Variants in FAM13B observed in about 807,000 individuals in gnomAD.
FAM13B encodes the protein protein FAM13B.
Under a neutral mutation model 117.3 loss-of-function variants are expected in FAM13B, and 60 were observed. That is an observed-to-expected ratio of 0.51 (90% CI 0.42 to 0.63). The LOEUF (loss-of-function observed/expected upper bound fraction) is 0.63, where lower values mean the gene tolerates loss of function less well. Among genes scored for constraint, FAM13B ranks in the 30% least tolerant of loss-of-function variants. The pLI, the probability that FAM13B is intolerant of heterozygous loss-of-function variation, is 0.00. For synonymous variants in FAM13B, 332 were observed against 356.1 expected, an observed-to-expected ratio of 0.93 and a Z score of 0.76; for missense variants, 972 against 1,091.9, an observed-to-expected ratio of 0.89 and a Z score of 1.55.
intron 4 of FAM13B, among the ~76,000 whole-genome samples, chr5:138,014,884 CCTTTG>C (rs1482815742): frequency 6.6e-6 from 1 of 152,168 alleles, no homozygotes; most frequent in Non-Finnish European, 1.5e-5. Flanking sequence ...AAATTTCTTT[CCTTTG>C]GAGTCTAATT....
At chr5:137,971,260 T>C (rs1189666676) in intron 10 of FAM13B, among the ~76,000 whole-genome samples, 1 of 150,978 alleles carries the variant, frequency 6.6e-6, no homozygotes, top group East Asian at 1.9e-4. Context: ...TAACAAACTA[T>C]CTCTCAGACC....
rs541789689 is a variant in FAM13B, at chr5:137,955,051, A to C, written c.1508-675T>G. 4.4e-5 allele frequency among the ~76,000 whole-genome samples: 6 copies of C among 135,694 alleles called. No individual in the cohort carries two copies. In the South Asian group the frequency reaches 1.6e-3, roughly 37 times the overall value. The allele number at this position is 135,694 out of a possible 152,430, so 89.0% of individuals were successfully genotyped here. ...TTAATATAATTCTGAACTTTTCAAA[A>C]GATGTTTTATTTACAAATGTTAGTT... is the stretch of plus-strand genomic sequence containing the variant. On this transcript the variant is annotated intron_variant, in intron 14 of 23. Coordinates refer to ENST00000689681, the MANE Select transcript of FAM13B (RefSeq NM_001385994.1).
chr5:137,969,929 G>A (rs543986531), intron 10 of FAM13B, among the ~76,000 whole-genome samples: 5 of 152,186 alleles, frequency 3.3e-5, no homozygotes, highest in South Asian at 4.2e-4. Context: ...AAAAAGAAAT[G>A]AGCAAAGCCT....
At chr5:137,970,135 A>G (rs1266014483) in intron 10 of FAM13B, among the ~76,000 whole-genome samples, 2 of 151,988 alleles carry the variant, frequency 1.3e-5, no homozygotes, top group African/African-American at 4.8e-5. Context: ...CCTCGAGAAG[A>G]GCAACACCAA....
chr5:138,033,113 T>G (rs1194266572), upstream of FAM13B: 5 of 204,036 alleles, frequency 2.5e-5, no homozygotes, highest in Admixed American at 2.1e-4. Flanking sequence ...GTGACGTGCG[T>G]GGGAGGGGGC....
intron 10 of FAM13B, among the ~76,000 whole-genome samples, chr5:137,975,979 C>CTTTTT (rs1561483320): frequency 9.6e-5 from 1 of 10,412 alleles, no homozygotes; most frequent in Admixed American, 1.6e-3. Flanking sequence ...CTCAACTCTT[C>CTTTTT]CTTTTTTTTT....
At chr5:138,015,561 G>A (rs940874641) in intron 4 of FAM13B, among the ~76,000 whole-genome samples, 1 of 152,118 alleles carries the variant, frequency 6.6e-6, no homozygotes, top group Non-Finnish European at 1.5e-5. Flanking sequence ...AAAGTAGCTG[G>A]GTATGGTAGC....
At chr5:137,942,208 C>A (rs1762064327) in intron 22 of FAM13B, among the ~76,000 whole-genome samples, 163 bp from the exon 23 acceptor site, 1 of 152,210 alleles carries the variant, frequency 6.6e-6, no homozygotes, top group South Asian at 2.1e-4. Context: ...CTGAAGGACT[C>A]AAGCATCAGT....
chr5:138,037,781 T>C (rs1014241987), upstream of FAM13B, among the ~76,000 whole-genome samples: 19 of 152,142 alleles, frequency 1.2e-4, no homozygotes, highest in African/African-American at 4.6e-4. Flanking sequence ...AATACGATGT[T>C]AATAAGAAAC....
At chr5:137,988,179 C>A (rs1777702125) in intron 8 of FAM13B, 95 bp downstream of exon 8, 1 of 928,216 alleles carries the variant, frequency 1.1e-6, no homozygotes, top group Non-Finnish European at 1.6e-6. Context: ...TACAGTCTTT[C>A]CTCTAAAGTG....
chr5:137,973,376 T>C lies in FAM13B; in HGVS notation c.1180-10907A>G, dbSNP rs1279508751. On this transcript the variant is annotated intron_variant, in intron 10 of 23. Transcript: ENST00000689681. The stretch of plus-strand genomic sequence containing the variant: ...AATGGGGAAAGGATTCCCTATTTAA[T>C]AAATGGTGCTGGGAAAACAGGCTAG... 5.3e-5 allele frequency among the ~76,000 whole-genome samples: 8 copies of C among 152,204 alleles called. No homozygotes were observed. In the East Asian group the frequency reaches 1.6e-3, roughly 30 times the overall value.
chr5:138,042,668 T>C lies in FAM13B; in HGVS notation c.-203+9210A>G, dbSNP rs572377950. On this transcript the variant is annotated intron_variant, in intron 1 of 3. Transcript: ENST00000502471. The stretch of plus-strand genomic sequence containing the variant: ...AAAAAAAAAAGCCAGGAAGTGACTA[T>C]CATAGACATCATGATACTGGTTCTG... Among the ~76,000 whole-genome samples the C allele has an allele frequency of 4.0e-5, 6 of 148,414 alleles. No homozygotes were observed. In the South Asian group the frequency reaches 8.4e-4, roughly 21 times the overall value.
chr5:138,011,176 G>A (rs1783907982), intron 5 of FAM13B, 27 bp from the exon 6 acceptor site: 6 of 1,579,740 alleles, frequency 3.8e-6, no homozygotes, highest in South Asian at 2.4e-5. Context: ...AAATTGAATT[G>A]AGAGTTCTTA....
At position 138,019,093 on chromosome 5, in the gene FAM13B, G is replaced by T; in HGVS notation, c.19C>A (p.Pro7Thr). 6.2e-7 allele frequency: 1 copy of T among 1,613,862 alleles called. No homozygotes were observed. The highest frequency in any genetic ancestry group is 8.5e-7 in the Non-Finnish European group (1 of 1,179,918). Reference protein sequence around the residue: MRKSSSPSLSNCNSVLA... With the variant: MRKSSSTSLSNCNSVLA... ...ACGGAGTTGCAGTTACTCAAGGAAG[G>T]GGAGGAGCTCTTCCTCATATCTTTT... Residue 7 changes from proline (P) to threonine (T), a missense_variant, in exon 3 of 24, where the codon CCT becomes ACT. Transcript: ENST00000689681.
chr5:138,032,653 C>A (rs1404742555), intron 1 of FAM13B, 129 bp downstream of exon 1: 2 of 901,678 alleles, frequency 2.2e-6, no homozygotes, highest in Middle Eastern at 5.7e-4. Flanking sequence ...GAGTCCTCCA[C>A]ATCCCGAAAC....
intron 10 of FAM13B, among the ~76,000 whole-genome samples, chr5:137,974,126 A>C (rs565487819): frequency 9.3e-5 from 14 of 150,310 alleles, no homozygotes; most frequent in African/African-American, 3.4e-4. Flanking sequence ...AAGGACTATA[A>C]ATCATGCTGC....
In FAM13B at chr5:137,945,998, C is replaced by T. The variant is rs182482927; in HGVS notation, c.2245-1G>A. 2 of 1,607,046 alleles carry T rather than the reference C, an allele frequency of 1.2e-6. No individual in the cohort carries two copies. The highest frequency in any genetic ancestry group is 3.4e-5 in the Admixed American group (2 of 58,920). On this transcript the variant is annotated splice_acceptor_variant, in intron 19 of 23. Coordinates refer to ENST00000689681, the MANE Select transcript of FAM13B (RefSeq NM_001385994.1). LOFTEE classifies it high-confidence loss of function. ...CAATGTGCCTTTCTTCCTTGGTCAC[C>T]TGAAGCAAGAAAAAAAAGAAATTGT...
Position 137,942,015 on chromosome 5 carries a change from G to A in FAM13B, c.2619C>T (p.Ala873=). The stretch of plus-strand genomic sequence containing the variant: ...TGCGTAGTTTCTTTTTTTCAGCTCT[G>A]GCTTTCCAAAGTTGTTCCAATAATT... The part of the protein sequence containing the change: ...MPELLEQLWK[A]RAEKKKLRKT... Residue 873 remains alanine (A), a synonymous_variant, in exon 23 of 24, where the codon GCC becomes GCT. Coordinates refer to ENST00000689681, the MANE Select transcript of FAM13B (RefSeq NM_001385994.1). 1.2e-6 allele frequency: 2 copies of A among 1,613,818 alleles called. No homozygotes were observed. Among genetic ancestry groups the A allele is most frequent in the Middle Eastern group, 1.7e-4 (1 of 6,024 alleles).
chr5:138,036,587 T>A (rs1371986045), upstream of FAM13B: 6 of 456,594 alleles, frequency 1.3e-5, no homozygotes, highest in South Asian at 9.3e-5. Flanking sequence ...GAATCACAGC[T>A]CACCAGCAAC....
Sources: allele counts gnomAD v4.1 joint callset (sites outside exome capture counted in the v4.1 genomes callset), GRCh38; gene constraint gnomAD v4.1.1; transcripts MANE v1.5; gene names NCBI Gene and HGNC (gene_info 2026-07-23, HGNC 2026-07-21).